RAPGEF4: variants seen among roughly 807,000 people sequenced by gnomAD.
The protein encoded by RAPGEF4 is RAP guanine-nucleotide-exchange factor (GEF) 4.
Under a neutral mutation model 147.9 loss-of-function variants are expected in RAPGEF4, and 66 were observed. That is an observed-to-expected ratio of 0.45 (90% confidence interval 0.37 to 0.55). The LOEUF (loss-of-function observed/expected upper bound fraction) is 0.55, where lower values mean the gene tolerates loss of function less well. RAPGEF4 is among the 20% of genes least tolerant of loss of function. The probability of loss-of-function intolerance (pLI) is 0.00; values close to 1 mark genes in which losing one functional copy is unlikely to be tolerated. For missense variants in RAPGEF4, 1,071 were observed against 1,257.3 expected (o/e 0.85, Z 2.24); for synonymous variants, 419 against 442.7 (o/e 0.95, Z 0.67).
Position 173,021,571 on chromosome 2 carries a change from G to C in RAPGEF4, c.2253+856G>C, listed in dbSNP as rs148240104. ...CCACTGCACTCCAGCCTGGGCAACAGAGCGAGACTCTGCCTCAAAAACAAA... is the reference window on the plus strand; with the variant it reads ...CCACTGCACTCCAGCCTGGGCAACACAGCGAGACTCTGCCTCAAAAACAAA... On this transcript the variant is annotated intron_variant, in intron 23 of 30. Coordinates refer to ENST00000397081, the MANE Select transcript of RAPGEF4 (RefSeq NM_007023.4). Among the ~76,000 whole-genome samples, 701 of 152,268 alleles carry C rather than the reference G, an allele frequency of 4.6e-3. 5 individuals are homozygous for C. Among genetic ancestry groups the C allele is most frequent in the African/African-American group, 0.015 (614 of 41,526 alleles).
intron 4 of RAPGEF4, among the ~76,000 whole-genome samples, chr2:172,913,133 C>T (rs958582980): frequency 2.0e-5 from 3 of 151,880 alleles, no homozygotes; most frequent in East Asian, 1.9e-4. Flanking sequence ...TGACCTCAGG[C>T]GATCCACCTG....
At chr2:173,007,016 G>A (rs1694546522) in intron 17 of RAPGEF4, among the ~76,000 whole-genome samples, 1 of 152,144 alleles carries the variant, frequency 6.6e-6, no homozygotes. Context: ...ACTGTCATCA[G>A]ATATGCTAAA....
rs1351589844 is a variant in RAPGEF4 at position 172,844,094 on chromosome 2, A to G, written c.444+29669A>G. ...TTGATTTGGCATTTGCAATTGACATATAAGTACTCCACATTAGGCTGTATT... is the reference window on the plus strand; with the variant it reads ...TTGATTTGGCATTTGCAATTGACATGTAAGTACTCCACATTAGGCTGTATT... On this transcript the variant is annotated intron_variant, in intron 4 of 30. Coordinates refer to ENST00000397081, the MANE Select transcript of RAPGEF4 (RefSeq NM_007023.4). 5.3e-5 allele frequency among the ~76,000 whole-genome samples: 8 copies of G among 152,242 alleles called. No homozygotes were observed. In the East Asian group the frequency reaches 1.2e-3, roughly 22 times the overall value.
intron 4 of RAPGEF4, among the ~76,000 whole-genome samples, chr2:172,827,284 C>T (rs913751286): frequency 3.3e-5 from 5 of 152,118 alleles, no homozygotes; most frequent in South Asian, 2.1e-4. Context: ...AGTTGGGAAT[C>T]CATCTCCCCT....
intron 1 of RAPGEF4, among the ~76,000 whole-genome samples, chr2:172,784,412 GGAGGCT>G (rs1213048632): frequency 6.6e-6 from 1 of 151,974 alleles, no homozygotes; most frequent in East Asian, 1.9e-4. Flanking sequence ...CAGCTACTCA[GGAGGCT>G]GAGGCAGGAG....
chr2:172,760,966 C>G (rs893418608), intron 1 of RAPGEF4, among the ~76,000 whole-genome samples: 60 of 151,770 alleles, frequency 4.0e-4, no homozygotes, highest in African/African-American at 1.4e-3. Context: ...CTACTGAAAA[C>G]TAAACATAAA....
intron 1 of RAPGEF4, among the ~76,000 whole-genome samples, chr2:172,753,664 A>G (rs1170044374): frequency 2.0e-5 from 3 of 152,184 alleles, no homozygotes; most frequent in Admixed American, 2.0e-4. Flanking sequence ...TTAGAAAATA[A>G]CAAATTAGTA....
At chr2:172,853,945 C>G (rs986005224) in intron 4 of RAPGEF4, among the ~76,000 whole-genome samples, 10 of 151,978 alleles carry the variant, frequency 6.6e-5, no homozygotes, top group Non-Finnish European at 1.5e-4. Flanking sequence ...TTATAGCACA[C>G]TAGGGTTTTC....
chr2:172,988,579 G>A (rs1692505041), intron 13 of RAPGEF4, 114 bp from the exon 14 acceptor site: 1 of 1,268,044 alleles, frequency 7.9e-7, no homozygotes, highest in South Asian at 1.4e-5. Flanking sequence ...GCATCGCTAG[G>A]TACAGCCCAT....
At chr2:172,983,040 G>A (rs1691849738) in intron 10 of RAPGEF4, among the ~76,000 whole-genome samples, 2 of 152,138 alleles carry the variant, frequency 1.3e-5, no homozygotes, top group South Asian at 2.1e-4. Context: ...AGTGACAGTG[G>A]CATTATTATT....
In RAPGEF4 at chr2:173,036,640, C is replaced by T. The variant is rs2106011675; in HGVS notation, c.2801C>T (p.Thr934Ile). The change falls in exon 29 of 31, where the codon ACT (threonine) becomes ATT (isoleucine). Residue 934 changes from threonine (T) to isoleucine (I), a missense_variant. Physicochemically the swap from Thr to Ile is moderately conservative, Grantham distance 89. Coordinates refer to ENST00000397081, the MANE Select transcript of RAPGEF4 (RefSeq NM_007023.4). ...TATTTCTTTACAGATATGACATTTA[C>T]TCATGAGGGGAACAAGACGTTCATT... ...MPLLIKDMTFTHEGNKTFIDN... is the reference protein window; with the variant it reads ...MPLLIKDMTFIHEGNKTFIDN... 1.2e-6 allele frequency: 2 copies of T among 1,610,322 alleles called. No homozygotes were observed. Among genetic ancestry groups the T allele is most frequent in the East Asian group, 2.2e-5 (1 of 44,814 alleles).
intron 1 of RAPGEF4, among the ~76,000 whole-genome samples, chr2:172,785,123 C>A (rs2149520325): frequency 6.6e-6 from 1 of 152,332 alleles, no homozygotes; most frequent in South Asian, 2.1e-4. Context: ...CTGTTCCCAG[C>A]CAAAATGGAA....
In RAPGEF4 at chr2:172,814,353, T is replaced by A. The variant is rs756698961; in HGVS notation, c.372T>A (p.His124Gln). Residue 124 changes from histidine (H) to glutamine (Q), a missense_variant, in exon 4 of 31, where the codon CAT becomes CAA. Physicochemically the swap from His to Gln is conservative, Grantham distance 24 (BLOSUM62 0). Coordinates refer to ENST00000397081, the MANE Select transcript of RAPGEF4 (RefSeq NM_007023.4). ...GESILDNTPR[H>Q]ATIVTRESSE... The stretch of plus-strand genomic sequence containing the variant: ...CCATTCTGGACAACACACCCCGCCA[T>A]GCAACCATCGTTACCAGGGAGAGCA... The A allele has an allele frequency of 1.4e-5, 22 of 1,614,178 alleles. No individual in the cohort carries two copies. In the South Asian group the frequency reaches 2.3e-4, roughly 17 times the overall value.
chr2:172,775,360 A>G (rs1372257796), intron 1 of RAPGEF4, among the ~76,000 whole-genome samples: 3 of 152,338 alleles, frequency 2.0e-5, no homozygotes, highest in African/African-American at 7.2e-5. Context: ...TCAGTATTCT[A>G]TACACTAGCC....
At chr2:172,994,687 T>C (rs888871228) in intron 15 of RAPGEF4, among the ~76,000 whole-genome samples, 7 of 152,226 alleles carry the variant, frequency 4.6e-5, no homozygotes, top group African/African-American at 1.7e-4. Flanking sequence ...ATCATATATT[T>C]CAGGAATTAC....
rs558614670 is a variant in RAPGEF4 at position 172,990,035 on chromosome 2, GA to G, written c.1375-766del. ...CTTAATGCAAAAAAAAAAAAGAAAA[GA>G]AAAAAAAAGGCTAAAATGTATACCC... On this transcript the variant is annotated intron_variant, in intron 14 of 30. Transcript: ENST00000397081. Among the ~76,000 whole-genome samples the G allele has an allele frequency of 2.1e-3, 283 of 137,184 alleles. 2 individuals carry two copies. Among genetic ancestry groups the G allele is most frequent in the Middle Eastern group, 3.8e-3 (1 of 266 alleles). The allele number at this position is 137,184 out of a possible 152,430, so 90.0% of individuals were successfully genotyped here.
Position 172,986,410 on chromosome 2 carries a change from A to AATT in RAPGEF4, c.1150+919_1150+920insTAT, listed in dbSNP as rs546205771. ...AAATAAGCAGGAAACATTAATTGTA[A>AATT]ATGTGGTTTTTTTACTTTCAGTCAT... On this transcript the variant is annotated intron_variant, in intron 12 of 30. Coordinates refer to ENST00000397081, the MANE Select transcript of RAPGEF4 (RefSeq NM_007023.4). Among the ~76,000 whole-genome samples, 63 of 152,302 alleles carry AATT rather than the reference A, an allele frequency of 4.1e-4. 1 individual carries two copies. Among genetic ancestry groups the AATT allele is most frequent in the Admixed American group, 3.5e-3 (54 of 15,308 alleles).
chr2:172,894,436 A>T (rs1698264609), intron 4 of RAPGEF4: 1 of 152,208 alleles, frequency 6.6e-6, no homozygotes, highest in Non-Finnish European at 1.5e-5. Context: ...CATTTCTAAA[A>T]TTGGGACTAA....
intron 4 of RAPGEF4, among the ~76,000 whole-genome samples, chr2:172,896,762 A>G (rs1575165294): frequency 1.3e-5 from 2 of 152,368 alleles, no homozygotes; most frequent in African/African-American, 2.4e-5. Context: ...AGCTTGTTGG[A>G]GAGCATGCTT....
Sources: allele counts gnomAD v4.1 joint callset (sites outside exome capture counted in the v4.1 genomes callset), GRCh38; gene constraint gnomAD v4.1.1; transcripts MANE v1.5; gene names NCBI Gene and HGNC (gene_info 2026-07-23, HGNC 2026-07-21).